KIF26B: variants seen among roughly 807,000 people sequenced by gnomAD.
KIF26B encodes kinesin family member 26B, also known as kinesin-like protein KIF26B.
KIF26B carries 63 observed loss-of-function variants against 151.2 expected under a neutral mutation model. The observed-to-expected ratio is 0.42, with a 90% CI of 0.34 to 0.51. The LOEUF (loss-of-function observed/expected upper bound fraction) is 0.51, where lower values mean the gene tolerates loss of function less well. Among genes scored for constraint, KIF26B ranks in the 20% least tolerant of loss-of-function variants. The probability of loss-of-function intolerance (pLI) is 0.07; values close to 1 mark genes in which losing one functional copy is unlikely to be tolerated. For missense variants in KIF26B, 2,813 were observed against 2,913.6 expected (o/e 0.97, Z 0.79); for synonymous variants, 1,357 against 1,262.1 (o/e 1.08, Z -1.59).
chr1:245,355,300 C>T (rs1167944315), intron 2 of KIF26B, among the ~76,000 whole-genome samples: 1 of 152,158 alleles, frequency 6.6e-6, no homozygotes, highest in African/African-American at 2.4e-5. Context: ...CATCCCTGGC[C>T]TCTACTCACT....
intron 5 of KIF26B, among the ~76,000 whole-genome samples, chr1:245,557,532 A>G (rs1311663384): frequency 6.6e-6 from 1 of 152,160 alleles, no homozygotes. Flanking sequence ...TGCTGGAGAA[A>G]GTGGGGTATG....
At chr1:245,347,774 TAATC>T (rs1437341829) in intron 2 of KIF26B, among the ~76,000 whole-genome samples, 1 of 152,264 alleles carries the variant, frequency 6.6e-6, no homozygotes, top group Non-Finnish European at 1.5e-5. Context: ...TCACTGATGA[TAATC>T]AAGACTAAAT....
chr1:245,396,510 C>G (rs544320982), intron 3 of KIF26B, among the ~76,000 whole-genome samples: 1 of 152,132 alleles, frequency 6.6e-6, no homozygotes, highest in Admixed American at 6.5e-5. Context: ...GTGACAGGCG[C>G]CTGTAATCCC....
In KIF26B at chr1:245,318,278, TG is replaced by T. The variant is rs1671818528; in HGVS notation, c.466-48550del. 6.6e-6 allele frequency among the ~76,000 whole-genome samples: 1 copy of T among 152,028 alleles called. No individual in the cohort carries two copies. The highest frequency in any genetic ancestry group is 1.5e-5 in the Non-Finnish European group (1 of 67,994). Reference sequence around the variant, plus strand: ...GTCAACGTCAACTCTTGTCATTGCTTGGGGGGTAAAGGCAATACAAGGAATG... The same window carrying T: ...GTCAACGTCAACTCTTGTCATTGCTTGGGGGTAAAGGCAATACAAGGAATG... On this transcript the variant is annotated intron_variant, in intron 2 of 14. Transcript: ENST00000407071. This position sits in a 1 kb window ranked among gnomAD's most constrained non-coding sequence, Gnocchi z 4.0.
chr1:245,338,347 A>T (rs1672274645), intron 2 of KIF26B, among the ~76,000 whole-genome samples: 1 of 152,150 alleles, frequency 6.6e-6, no homozygotes, highest in Non-Finnish European at 1.5e-5. Context: ...ATGCTCATTC[A>T]TTTACGTGTT....
chr1:245,335,756 G>A (rs1347721148), intron 2 of KIF26B, among the ~76,000 whole-genome samples: 1 of 146,892 alleles, frequency 6.8e-6, no homozygotes, highest in Non-Finnish European at 1.5e-5. Flanking sequence ...CCCACGCAGG[G>A]AGAGTCCCAC....
intron 2 of KIF26B, among the ~76,000 whole-genome samples, chr1:245,341,892 G>A (rs1052088339): frequency 1.4e-4 from 21 of 152,186 alleles, no homozygotes; most frequent in Admixed American, 8.5e-4. Flanking sequence ...CTTGGTTCCC[G>A]TGGCACCATC....
At chr1:245,679,952 C>G (rs531855004) in intron 10 of KIF26B, among the ~76,000 whole-genome samples, 233 of 152,248 alleles carry the variant, frequency 1.5e-3, no homozygotes, top group African/African-American at 5.5e-3. Context: ...CCAACCCAAA[C>G]CCCTCCAGGC....
At chr1:245,177,155 G>A (rs1192653036) in intron 2 of KIF26B, among the ~76,000 whole-genome samples, 1 of 152,094 alleles carries the variant, frequency 6.6e-6, no homozygotes, top group Non-Finnish European at 1.5e-5. Flanking sequence ...GGGTCTTATT[G>A]TGTTGCCCAG....
rs1047356949 is a variant in KIF26B at position 245,227,091 on chromosome 1, C to G, written c.465+70408C>G. ...CCCCTAGCACGGGCCAGTCCTATGT[C>G]GTTTTTTGGCATTTTTGAGGAACAG... On this transcript the variant is annotated intron_variant, in intron 2 of 14. Transcript: ENST00000407071. This position sits in a 1 kb window ranked among gnomAD's most constrained non-coding sequence, Gnocchi z 4.1. 2.6e-5 allele frequency among the ~76,000 whole-genome samples: 4 copies of G among 152,118 alleles called. No homozygotes were observed. The highest frequency in any genetic ancestry group is 2.6e-4 in the Admixed American group (4 of 15,280).
At chr1:245,461,665 C>A (rs542159798) in intron 4 of KIF26B, among the ~76,000 whole-genome samples, 2 of 152,270 alleles carry the variant, frequency 1.3e-5, no homozygotes, top group African/African-American at 4.8e-5. Context: ...CTGTGGTTCT[C>A]GGGGAAGCTG....
intron 2 of KIF26B, among the ~76,000 whole-genome samples, chr1:245,247,918 G>A (rs993145034): frequency 6.6e-6 from 1 of 152,164 alleles, no homozygotes. Context: ...GGGAAGTGTT[G>A]CAGCAGATGC....
In KIF26B at chr1:245,587,774, TAC is replaced by T. The variant is rs142203781; in HGVS notation, c.1351-14801_1351-14800del. ...CAGTGCCTGGTAGTGGGGACTGTTC[TAC>T]AGAGCCGTGATCAAACCTCCAACTG... On this transcript the variant is annotated intron_variant, in intron 5 of 14. Coordinates refer to ENST00000407071, the MANE Select transcript of KIF26B (RefSeq NM_018012.4). Among the ~76,000 whole-genome samples, 1,388 of 152,300 alleles carry T rather than the reference TAC, an allele frequency of 9.1e-3. 31 individuals are homozygous for T. Among genetic ancestry groups the T allele is most frequent in the East Asian group, 0.09 (466 of 5,178 alleles).
At chr1:245,609,976 T>A (rs912946400) in intron 8 of KIF26B, among the ~76,000 whole-genome samples, 1 of 152,172 alleles carries the variant, frequency 6.6e-6, no homozygotes, top group Non-Finnish European at 1.5e-5. Flanking sequence ...ACTTTCTAAT[T>A]AGAACCGTGA....
chr1:245,310,793 G>A (rs143096761), intron 2 of KIF26B, among the ~76,000 whole-genome samples: 16 of 152,312 alleles, frequency 1.1e-4, no homozygotes, highest in Admixed American at 2.0e-4. Context: ...AGAAGCGGCT[G>A]TGATGTGTGG....
rs148459981 is a variant in KIF26B at position 245,376,059 on chromosome 1, A to G, written c.999+8692A>G. On this transcript the variant is annotated intron_variant, in intron 3 of 14. Coordinates refer to ENST00000407071, the MANE Select transcript of KIF26B (RefSeq NM_018012.4). Reference sequence around the variant, plus strand: ...GTAAGTCTCATACTGTTGAAACTGCAGAAATCATTCCAAGCTGGGGGTGGG... The same window carrying G: ...GTAAGTCTCATACTGTTGAAACTGCGGAAATCATTCCAAGCTGGGGGTGGG... Among the ~76,000 whole-genome samples the G allele has an allele frequency of 2.7e-3, 412 of 152,202 alleles. 2 individuals carry two copies. Among genetic ancestry groups the G allele is most frequent in the African/African-American group, 9.5e-3 (395 of 41,552 alleles).
intron 2 of KIF26B, among the ~76,000 whole-genome samples, chr1:245,245,752 G>A (rs1208937010): frequency 6.6e-6 from 1 of 152,096 alleles, no homozygotes; most frequent in Non-Finnish European, 1.5e-5. Flanking sequence ...CCAAGATGGT[G>A]AAACTGTCTT....
intron 5 of KIF26B, among the ~76,000 whole-genome samples, chr1:245,581,926 G>GAGGGA (rs1553291664): frequency 2.1e-5 from 3 of 142,274 alleles, no homozygotes; most frequent in Non-Finnish European, 4.5e-5. Context: ...AAGAGAGAAA[G>GAGGGA]AGGAAGGAAG....
intron 2 of KIF26B, among the ~76,000 whole-genome samples, chr1:245,264,365 A>G (rs1192437166): frequency 1.3e-5 from 2 of 152,164 alleles, no homozygotes; most frequent in Admixed American, 6.5e-5. Flanking sequence ...AATGCTGATG[A>G]CTGTCTTTAT....
Sources: allele counts gnomAD v4.1 joint callset (sites outside exome capture counted in the v4.1 genomes callset), GRCh38; gene constraint gnomAD v4.1.1; non-coding constraint Gnocchi (gnomAD v3.1); transcripts MANE v1.5; gene names NCBI Gene and HGNC (gene_info 2026-07-23, HGNC 2026-07-21).